Variants in SGMS2 observed in about 807,000 individuals in gnomAD.
SGMS2 encodes the protein phosphatidylcholine:ceramide cholinephosphotransferase 2.
In SGMS2, 21 loss-of-function variants were observed where a neutral mutation model predicts 43.8. The ratio of observed to expected loss-of-function variants is 0.48; its 90% CI spans 0.34 to 0.69. The LOEUF (loss-of-function observed/expected upper bound fraction) is 0.69, where lower values mean the gene tolerates loss of function less well. SGMS2 is among the 30% of genes least tolerant of loss of function. SGMS2 has a pLI of 0.01. For synonymous variants in SGMS2, 167 were observed against 160.6 expected (o/e 1.04, Z -0.30); for missense variants, 384 against 443.2 (o/e 0.87, Z 1.20).
At chr4:107,829,000 T>C (rs1223983172) in intron 1 of SGMS2, among the ~76,000 whole-genome samples, 1 of 149,566 alleles carries the variant, frequency 6.7e-6, no homozygotes, top group Non-Finnish European at 1.5e-5. Flanking sequence ...AATGGAGAGG[T>C]GCTAATTTTG....
At chr4:107,881,460 AT>A (rs371175215) in intron 2 of SGMS2, among the ~76,000 whole-genome samples, 45 of 147,930 alleles carry the variant, frequency 3.0e-4, no homozygotes, top group East Asian at 6.0e-4. Context: ...ATTTCTTTTT[AT>A]TTTTTTTTTA....
intron 4 of SGMS2, among the ~76,000 whole-genome samples, chr4:107,902,818 G>C (rs1050881515): frequency 6.6e-5 from 10 of 152,020 alleles, no homozygotes; most frequent in African/African-American, 2.2e-4. Flanking sequence ...CCTAATACAA[G>C]ATACCAATAC....
In SGMS2 at chr4:107,910,581, C is replaced by T; in HGVS notation, c.*28C>T. 1.2e-6 allele frequency: 2 copies of T among 1,602,898 alleles called. No homozygotes were observed. Among genetic ancestry groups the T allele is most frequent in the African/African-American group, 1.3e-5 (1 of 74,628 alleles). ...AGCAAAACAAAGGCATCAGCTCTTACACCAAAAGAGTTAACGCTGTAACCA... is the reference window on the plus strand; with the variant it reads ...AGCAAAACAAAGGCATCAGCTCTTATACCAAAAGAGTTAACGCTGTAACCA... On this transcript the variant is annotated 3_prime_UTR_variant, in exon 7 of 7. Transcript: ENST00000690982.
chr4:107,874,919 T>C (rs1472900598), intron 2 of SGMS2, among the ~76,000 whole-genome samples: 1 of 152,170 alleles, frequency 6.6e-6, no homozygotes, highest in Non-Finnish European at 1.5e-5. Context: ...AGAACATAAA[T>C]CATCATTATT....
At chr4:107,828,353 T>C (rs959067879) in intron 1 of SGMS2, among the ~76,000 whole-genome samples, 1 of 152,210 alleles carries the variant, frequency 6.6e-6, no homozygotes, top group Non-Finnish European at 1.5e-5. Flanking sequence ...TATTACCTTC[T>C]TTTACTGAGG....
rs536435572 is a variant in SGMS2 at position 107,902,341 on chromosome 4, AT to A, written c.574-883del. ...TCTCTTCCATGTATTCTATTACATG[AT>A]TTTTTTTTCTGAGCATTGTTCTTTG... is the stretch of plus-strand genomic sequence containing the variant. On this transcript the variant is annotated intron_variant, in intron 4 of 6. Transcript: ENST00000690982. Among the ~76,000 whole-genome samples, 399 of 149,004 alleles carry A rather than the reference AT, an allele frequency of 2.7e-3. 3 individuals carry two copies. Among genetic ancestry groups the A allele is most frequent in the Non-Finnish European group, 4.2e-3 (283 of 67,472 alleles).
intron 1 of SGMS2, among the ~76,000 whole-genome samples, chr4:107,855,682 T>C (rs953615726): frequency 6.6e-6 from 1 of 152,320 alleles, no homozygotes; most frequent in African/African-American, 2.4e-5. Flanking sequence ...AAATGTTGTG[T>C]AAATGTCTGT....
intron 1 of SGMS2, among the ~76,000 whole-genome samples, chr4:107,838,672 A>T (rs1290950152): frequency 3.3e-5 from 5 of 151,162 alleles, no homozygotes; most frequent in Admixed American, 3.3e-4. Flanking sequence ...TTTATATTGT[A>T]TTTCTTCTAG....
At chr4:107,899,750 A>C in intron 4 of SGMS2, 58 bp downstream of exon 4, 6 of 1,155,456 alleles carry the variant, frequency 5.2e-6, no homozygotes, top group Non-Finnish European at 6.4e-6. Context: ...TTGATCACTT[A>C]CCCTGTATTA....
At chr4:107,906,419 C>A (rs1045491080) in intron 5 of SGMS2, among the ~76,000 whole-genome samples, 2 of 152,132 alleles carry the variant, frequency 1.3e-5, no homozygotes, top group Admixed American at 6.6e-5. Flanking sequence ...GCTGTTAGTG[C>A]CAATCATCTG....
At chr4:107,845,623 A>AT (rs2126005525) in intron 1 of SGMS2, among the ~76,000 whole-genome samples, 1 of 152,320 alleles carries the variant, frequency 6.6e-6, no homozygotes, top group Non-Finnish European at 1.5e-5. Flanking sequence ...AAACCCTTTA[A>AT]TTAGGGGCAC....
intron 2 of SGMS2, among the ~76,000 whole-genome samples, chr4:107,862,773 G>A (rs530231567): frequency 4.6e-5 from 7 of 152,272 alleles, no homozygotes; most frequent in African/African-American, 1.7e-4. Flanking sequence ...CCTTATATCC[G>A]ACTGTACCTG....
At chr4:107,862,427 T>C (rs745559091) in intron 2 of SGMS2, among the ~76,000 whole-genome samples, 5 of 152,202 alleles carry the variant, frequency 3.3e-5, no homozygotes, top group Non-Finnish European at 5.9e-5. Flanking sequence ...GGGACAGATA[T>C]GCGAATATGT....
At chr4:107,858,013 C>CA (rs372401294) in intron 1 of SGMS2, among the ~76,000 whole-genome samples, 1 of 152,062 alleles carries the variant, frequency 6.6e-6, no homozygotes, top group African/African-American at 2.4e-5. Context: ...CTGCCCCACC[C>CA]CCCCCATCCC....
intron 1 of SGMS2, among the ~76,000 whole-genome samples, chr4:107,839,466 T>C (rs906266841): frequency 6.6e-6 from 1 of 152,098 alleles, no homozygotes; most frequent in Admixed American, 6.5e-5. Context: ...TGCTAGTTGC[T>C]GTGGAGATAT....
Position 107,895,558 on chromosome 4 carries a change from A to G in SGMS2, c.5A>G (p.Asp2Gly), listed in dbSNP as rs1730593979. 1.2e-6 allele frequency: 2 copies of G among 1,612,740 alleles called. No individual in the cohort carries two copies. Among genetic ancestry groups the G allele is most frequent in the Non-Finnish European group, 1.7e-6 (2 of 1,179,262 alleles). Residue 2 changes from aspartate to glycine, a missense_variant, in exon 3 of 7, where the codon GAT becomes GGT. Coordinates refer to ENST00000690982, the MANE Select transcript of SGMS2 (RefSeq NM_001375905.1). M[D>G]IIETAKLEEH... The stretch of plus-strand genomic sequence containing the variant: ...TGATCTGAAGACTAGGGGACAATGG[A>G]TATCATAGAGACAGCAAAACTTGAA...
chr4:107,851,984 A>C (rs879401172), intron 1 of SGMS2, among the ~76,000 whole-genome samples: 2 of 152,062 alleles, frequency 1.3e-5, no homozygotes, highest in Non-Finnish European at 2.9e-5. Context: ...TGCTTGCCCC[A>C]CACACAGACT....
chr4:107,860,332 G>A (rs1189449567), intron 2 of SGMS2, among the ~76,000 whole-genome samples: 1 of 151,964 alleles, frequency 6.6e-6, no homozygotes, highest in African/African-American at 2.4e-5. Context: ...TTAAAATAGT[G>A]ATCTATTGAT....
In SGMS2 at chr4:107,908,617, TG is replaced by T. The variant is rs1343899198; in HGVS notation, c.781del (p.Ala261ProfsTer8). 2.4e-5 allele frequency: 39 copies of T among 1,614,016 alleles called. No homozygotes were observed. Among genetic ancestry groups the T allele is most frequent in the Non-Finnish European group, 3.3e-5 (39 of 1,179,984 alleles). ...YHLICWLLSA[A>X]GIICILVAHE... is the part of the protein sequence containing the mutation. ...ATTTAATCTGCTGGCTGCTGAGTGC[TG>T]CCGGGATCATCTGCATTCTTGTAGC... On this transcript the variant is annotated frameshift_variant, in exon 6 of 7. Coordinates refer to ENST00000690982, the MANE Select transcript of SGMS2 (RefSeq NM_001375905.1). LOFTEE classifies it high-confidence loss of function.
Sources: gnomAD v4.1 joint callset for allele counts (sites outside exome capture counted in the v4.1 genomes callset) on GRCh38, gnomAD v4.1.1 for gene constraint, MANE v1.5 for transcripts, NCBI Gene and HGNC (gene_info 2026-07-23, HGNC 2026-07-21) for gene names.